The following NAALADL2 variants were observed in gnomAD, a reference collection of about 807,000 sequenced individuals.
NAALADL2 encodes N-acetylated alpha-linked acidic dipeptidase like 2.
Under a neutral mutation model 87.2 loss-of-function variants are expected in NAALADL2, and 76 were observed. That is an observed-to-expected ratio of 0.87 (90% CI 0.72 to 1.05). The LOEUF (loss-of-function observed/expected upper bound fraction) is 1.05, where lower values mean the gene tolerates loss of function less well. NAALADL2 is among the 50% of genes least tolerant of loss of function. NAALADL2 has a pLI of 0.00. For missense variants in NAALADL2, 1,089 were observed against 945.8 expected, an observed-to-expected ratio of 1.15 and a Z score of -1.99; for synonymous variants, 354 against 331.0, an observed-to-expected ratio of 1.07 and a Z score of -0.75.
intron 3 of NAALADL2, among the ~76,000 whole-genome samples, chr3:174,831,893 C>T (rs1298629640): frequency 8.6e-5 from 13 of 150,914 alleles, no homozygotes; most frequent in South Asian, 2.1e-4. Context: ...AGTTTATTTG[C>T]GTAGAGGTGT....
At chr3:174,966,695 C>A (rs537227935) in intron 1 of NAALADL2, among the ~76,000 whole-genome samples, 2 of 152,200 alleles carry the variant, frequency 1.3e-5, no homozygotes, top group East Asian at 3.9e-4. Flanking sequence ...TTGACATACC[C>A]AAGTAACATA....
chr3:175,062,476 CTGTGTGTGTGTG>C (rs71792051), intron 1 of NAALADL2, among the ~76,000 whole-genome samples: 1,678 of 131,566 alleles, frequency 0.013, 19 homozygotes, highest in African/African-American at 0.032. Context: ...GGAAGTTTGG[CTGTGTGTGTGTG>C]TGTGTGTGTG....
At chr3:174,851,584 G>A (rs1725273264) in intron 3 of NAALADL2, among the ~76,000 whole-genome samples, 1 of 151,836 alleles carries the variant, frequency 6.6e-6, no homozygotes, top group Admixed American at 6.6e-5. Flanking sequence ...TTTATATCTG[G>A]AACAGACCAA....
At position 175,805,132 on chromosome 3, in the gene NAALADL2, G is replaced by A. The variant is rs1754586687; in HGVS notation, c.*1929G>A. 6.6e-6 allele frequency: 1 copy of A among 151,774 alleles called. No individual in the cohort carries two copies. The highest frequency in any genetic ancestry group is 1.5e-5 in the Non-Finnish European group (1 of 67,866). The allele number at this position is 151,774 out of a possible 1,614,324, so 9.4% of individuals were successfully genotyped here. On this transcript the variant is annotated 3_prime_UTR_variant, in exon 14 of 14. Coordinates refer to ENST00000454872, the MANE Select transcript of NAALADL2 (RefSeq NM_207015.3). Reference sequence around the variant, plus strand: ...CTAGAAAGCCTTATATTTAACCAAAGGTTGATGTGTTCATTCCAGTTATTC... The same window carrying A: ...CTAGAAAGCCTTATATTTAACCAAAAGTTGATGTGTTCATTCCAGTTATTC...
At chr3:175,718,357 T>G in intron 11 of NAALADL2, 3 of 1,602,858 alleles carry the variant, frequency 1.9e-6, no homozygotes, top group Non-Finnish European at 2.6e-6. Flanking sequence ...AGCACTGATA[T>G]GCTCTTGGGT....
At position 175,785,009 on chromosome 3, in the gene NAALADL2, C is replaced by T. The variant is rs1292434264; in HGVS notation, c.2190-17996C>T. On this transcript the variant is annotated intron_variant, in intron 13 of 13. Coordinates refer to ENST00000454872, the MANE Select transcript of NAALADL2 (RefSeq NM_207015.3). The stretch of plus-strand genomic sequence containing the variant: ...GTTGTCCAGTTTCCATGTAGTTGAG[C>T]AGTTTTGAGTGAGATTCTTAATCCT... Among the ~76,000 whole-genome samples the T allele has an allele frequency of 1.7e-3, 252 of 150,880 alleles. 2 individuals are homozygous for T. Among genetic ancestry groups the T allele is most frequent in the African/African-American group, 5.4e-3 (220 of 40,438 alleles).
chr3:174,818,298 C>T (rs946645904), intron 3 of NAALADL2, among the ~76,000 whole-genome samples: 2 of 152,208 alleles, frequency 1.3e-5, no homozygotes, highest in Admixed American at 6.5e-5. Flanking sequence ...ACGTCTCTAG[C>T]TTATAAGCCA....
chr3:174,479,256 C>T (rs1279165146), intron 1 of NAALADL2, among the ~76,000 whole-genome samples: 1 of 152,132 alleles, frequency 6.6e-6, no homozygotes, highest in Non-Finnish European at 1.5e-5. Context: ...CTAGCCTCAA[C>T]TCTAAATGAA....
chr3:175,612,198 A>G (rs976138734), intron 10 of NAALADL2, among the ~76,000 whole-genome samples: 7 of 152,194 alleles, frequency 4.6e-5, no homozygotes, highest in Non-Finnish European at 7.3e-5. Flanking sequence ...TTGCCAAATG[A>G]AATCCCATGG....
At chr3:175,155,571 C>CT (rs965841068) in intron 2 of NAALADL2, among the ~76,000 whole-genome samples, 4 of 151,896 alleles carry the variant, frequency 2.6e-5, no homozygotes, top group African/African-American at 9.7e-5. Context: ...GTTTTCTTGT[C>CT]TTTTTTTTCT....
chr3:174,983,742 C>T (rs1478909200), intron 1 of NAALADL2, among the ~76,000 whole-genome samples: 1 of 152,092 alleles, frequency 6.6e-6, no homozygotes, highest in African/African-American at 2.4e-5. Context: ...CCTTGGTAAT[C>T]AGGTTTCAAC....
intron 3 of NAALADL2, among the ~76,000 whole-genome samples, chr3:174,791,034 G>A (rs926044755): frequency 5.9e-5 from 9 of 152,258 alleles, no homozygotes; most frequent in East Asian, 1.9e-4. Flanking sequence ...AAAGGAAAGC[G>A]TGGTGAAACA....
At chr3:174,973,340 A>G (rs1489921945) in intron 1 of NAALADL2, among the ~76,000 whole-genome samples, 2 of 152,226 alleles carry the variant, frequency 1.3e-5, no homozygotes, top group East Asian at 3.8e-4. Flanking sequence ...AATTTTGGTT[A>G]AATTAAGATG....
At chr3:175,556,257 TA>T (rs953483346) in intron 9 of NAALADL2, among the ~76,000 whole-genome samples, 11 of 149,198 alleles carry the variant, frequency 7.4e-5, no homozygotes, top group South Asian at 2.1e-4. Context: ...GAAGACGATT[TA>T]AAAAAAAAAC....
chr3:175,556,632 A>C (rs1715318666), intron 9 of NAALADL2, among the ~76,000 whole-genome samples: 2 of 152,190 alleles, frequency 1.3e-5, no homozygotes, highest in Admixed American at 6.5e-5. Flanking sequence ...TGAATGCCAA[A>C]TATATAACAA....
chr3:174,657,991 C>T (rs1171285969), intron 2 of NAALADL2, among the ~76,000 whole-genome samples: 1 of 152,088 alleles, frequency 6.6e-6, no homozygotes, highest in Non-Finnish European at 1.5e-5. Flanking sequence ...GAATAATACC[C>T]CACTTTCTTG....
intron 10 of NAALADL2, among the ~76,000 whole-genome samples, chr3:175,596,930 A>C (rs1376047962): frequency 6.6e-6 from 1 of 151,994 alleles, no homozygotes; most frequent in Non-Finnish European, 1.5e-5. Flanking sequence ...AAGATACTAT[A>C]ATACTATGGC....
chr3:175,196,596 T>C (rs1364441289), intron 2 of NAALADL2, among the ~76,000 whole-genome samples: 1 of 151,998 alleles, frequency 6.6e-6, no homozygotes, highest in East Asian at 1.9e-4. Flanking sequence ...GTTTTATACA[T>C]TGACTTCGCA....
chr3:174,510,955 T>C (rs924589521), intron 1 of NAALADL2, among the ~76,000 whole-genome samples: 5 of 152,010 alleles, frequency 3.3e-5, no homozygotes, highest in Admixed American at 6.5e-5. Flanking sequence ...TGTTGATCCA[T>C]GTGTCATTTG....
Sources: gnomAD v4.1 joint callset for allele counts (sites outside exome capture counted in the v4.1 genomes callset) on GRCh38, gnomAD v4.1.1 for gene constraint, MANE v1.5 for transcripts, NCBI Gene and HGNC (gene_info 2026-07-23, HGNC 2026-07-21) for gene names.